PTK2: variants seen among roughly 807,000 people sequenced by gnomAD.
PTK2 encodes protein tyrosine kinase 2.
PTK2 carries 45 observed loss-of-function variants against 150.1 expected under a neutral mutation model. The observed-to-expected ratio is 0.30, with a 90% CI of 0.24 to 0.38. The LOEUF is 0.38. PTK2 is among the 10% of genes least tolerant of loss of function. The pLI, the probability that PTK2 is intolerant of heterozygous loss-of-function variation, is 1.00. For synonymous variants in PTK2, 432 were observed against 449.2 expected, an observed-to-expected ratio of 0.96 and a Z score of 0.48; for missense variants, 919 against 1,307.3, an observed-to-expected ratio of 0.70 and a Z score of 4.58.
At chr8:140,672,570 ATGGCCACAGAGGGCAGGCT>A (rs572191384) in intron 29 of PTK2, among the ~76,000 whole-genome samples, 1,961 of 152,254 alleles carry the variant, frequency 0.013, 78 homozygotes, top group Admixed American at 0.084. Context: ...TACTTTCACT[ATGGCCACAGAGGGCAGGCT>A]TGGCCACAGA....
At chr8:140,867,503 G>T (rs1407108706) in intron 4 of PTK2, among the ~76,000 whole-genome samples, 1 of 152,178 alleles carries the variant, frequency 6.6e-6, no homozygotes, top group Non-Finnish European at 1.5e-5. Context: ...CTTAACTCAA[G>T]CCTGCTTATG....
At chr8:140,818,759 T>C (rs1207154399) in intron 9 of PTK2, 121 bp downstream of exon 9, 3 of 1,119,360 alleles carry the variant, frequency 2.7e-6, no homozygotes, top group East Asian at 2.7e-5. Context: ...TGAAAAAATA[T>C]CATTTTATTG....
At chr8:140,717,760 C>G (rs746840176) in intron 22 of PTK2, 51 bp from the exon 26 acceptor site, 3 of 1,420,574 alleles carry the variant, frequency 2.1e-6, no homozygotes, top group Non-Finnish European at 3.0e-6. Flanking sequence ...AGAGTTAGCA[C>G]ACACTAGACC....
At chr8:140,667,030 C>T (rs1006851784) in intron 30 of PTK2, among the ~76,000 whole-genome samples, 1 of 152,126 alleles carries the variant, frequency 6.6e-6, no homozygotes, top group African/African-American at 2.4e-5. Flanking sequence ...AAGACAAATA[C>T]AGTATGATTC....
At chr8:140,998,394 CCT>C (rs1303581472) in intron 1 of PTK2, among the ~76,000 whole-genome samples, 2 of 152,034 alleles carry the variant, frequency 1.3e-5, no homozygotes, top group Admixed American at 1.3e-4. Context: ...TAAGATCCTA[CCT>C]CTCTAACTCA....
At chr8:140,827,176 C>T (rs1666408114) in intron 8 of PTK2, among the ~76,000 whole-genome samples, 1 of 152,086 alleles carries the variant, frequency 6.6e-6, no homozygotes, top group South Asian at 2.1e-4. Context: ...GTCCCCAATC[C>T]CCCTCAACTC....
At chr8:140,716,664 T>C (rs1046974887) in intron 23 of PTK2, among the ~76,000 whole-genome samples, 1 of 152,246 alleles carries the variant, frequency 6.6e-6, no homozygotes, top group Non-Finnish European at 1.5e-5. Flanking sequence ...AAAATTGGTA[T>C]ATTTAAATAG....
At chr8:140,665,863 G>A (rs542746896) in intron 30 of PTK2, among the ~76,000 whole-genome samples, 1 of 152,246 alleles carries the variant, frequency 6.6e-6, no homozygotes, top group East Asian at 1.9e-4. Flanking sequence ...CTTGGCTGTG[G>A]GTTCATGCAA....
chr8:140,891,623 G>T (rs192618873), intron 2 of PTK2, among the ~76,000 whole-genome samples: 50 of 152,310 alleles, frequency 3.3e-4, no homozygotes, highest in Non-Finnish European at 5.4e-4. Flanking sequence ...GAATGGGAGA[G>T]AAACCAGCAG....
chr8:140,864,487 T>C (rs2154605957), intron 4 of PTK2, 88 bp from the exon 5 acceptor site: 1 of 598,784 alleles, frequency 1.7e-6, no homozygotes. Flanking sequence ...AGTATAGCAT[T>C]CCTAATTACT....
chr8:140,719,901 A>T (rs1295699866), intron 22 of PTK2, among the ~76,000 whole-genome samples: 4 of 149,868 alleles, frequency 2.7e-5, no homozygotes, highest in Non-Finnish European at 4.4e-5. Flanking sequence ...AAAAAAAAAA[A>T]AAAAAAAAAA....
intron 1 of PTK2, among the ~76,000 whole-genome samples, chr8:140,972,804 C>T (rs1262616192): frequency 6.6e-6 from 1 of 152,198 alleles, no homozygotes; most frequent in East Asian, 1.9e-4. Context: ...TTAGCTTTCT[C>T]AGTTGCTTTT....
intron 4 of PTK2, among the ~76,000 whole-genome samples, chr8:140,877,698 G>A (rs953013739): frequency 4.6e-5 from 7 of 151,874 alleles, no homozygotes; most frequent in South Asian, 2.1e-4. Context: ...GTAGTATCCC[G>A]ATCACCCTTT....
chr8:140,939,353 A>G (rs1167093632), intron 1 of PTK2, among the ~76,000 whole-genome samples: 1 of 152,218 alleles, frequency 6.6e-6, no homozygotes, highest in Non-Finnish European at 1.5e-5. Context: ...TCCCACATCT[A>G]TCACTGCTAT....
chr8:140,983,035 T>C (rs1018491228), intron 1 of PTK2, among the ~76,000 whole-genome samples: 1 of 152,140 alleles, frequency 6.6e-6, no homozygotes, highest in Admixed American at 6.5e-5. Flanking sequence ...TAGTACAAAA[T>C]ATAGTTTTCC....
intron 1 of PTK2, chr8:140,940,533 G>A (rs2100175318): frequency 2.0e-5 from 3 of 152,174 alleles, no homozygotes; most frequent in Admixed American, 2.0e-4. Flanking sequence ...ACTGCTATAA[G>A]GGACATCACT....
At position 140,697,852 on chromosome 8, in the gene PTK2, G is replaced by GTTTTTTT. The variant is rs71308981; in HGVS notation, c.2499+3032_2499+3038dup. 2.7e-4 allele frequency among the ~76,000 whole-genome samples: 13 copies of GTTTTTTT among 48,028 alleles called. 1 individual carries two copies. Among genetic ancestry groups the GTTTTTTT allele is most frequent in the African/African-American group, 7.2e-4 (8 of 11,054 alleles). The allele number at this position is 48,028 out of a possible 152,430, so 31.5% of individuals were successfully genotyped here. On this transcript the variant is annotated intron_variant, in intron 26 of 31. Transcript: ENST00000522684. ...GATCCTCCTCCCTTTAGGGTTTACT[G>GTTTTTTT]TTTTTTTTTTTTTTTTTTTTTTTTT... is the stretch of plus-strand genomic sequence containing the variant.
chr8:140,727,491 CAAA>C (rs569200313), intron 22 of PTK2, among the ~76,000 whole-genome samples: 5 of 89,078 alleles, frequency 5.6e-5, no homozygotes, highest in African/African-American at 7.8e-5. Context: ...GATAGCAATG[CAAA>C]AAAAAAAAAA....
upstream of PTK2, among the ~76,000 whole-genome samples, chr8:141,001,717 C>T (rs558963596): frequency 2.3e-4 from 35 of 152,328 alleles, 2 homozygotes; most frequent in African/African-American, 8.2e-4. Flanking sequence ...TGCGGCCCCG[C>T]CCCCAGAGTT....
Sources: allele counts gnomAD v4.1 joint callset (sites outside exome capture counted in the v4.1 genomes callset), GRCh38; gene constraint gnomAD v4.1.1; transcripts MANE v1.5; gene names NCBI Gene and HGNC (gene_info 2026-07-23, HGNC 2026-07-21).